CEP152: variants seen among roughly 807,000 people sequenced by gnomAD.
CEP152 encodes centrosomal protein 152, also known as centrosomal protein of 152 kDa.
A neutral mutation model predicts 188.9 loss-of-function variants in CEP152; 132 were observed. The observed-to-expected ratio is 0.70, with a 90% CI of 0.61 to 0.81. The LOEUF (loss-of-function observed/expected upper bound fraction) is 0.81. CEP152 is among the 30% of genes least tolerant of loss of function. CEP152 has a pLI of 0.00. For synonymous variants in CEP152, 649 were observed against 666.6 expected (o/e 0.97, Z 0.41); for missense variants, 1,914 against 1,969.8 (o/e 0.97, Z 0.54).
Position 48,767,192 on chromosome 15 carries a change from C to G in CEP152, c.2148G>C (p.Arg716Ser). 1 of 1,613,790 alleles carries G rather than the reference C, an allele frequency of 6.2e-7. No homozygotes were observed. Among genetic ancestry groups the G allele is most frequent in the Non-Finnish European group, 8.5e-7 (1 of 1,180,020 alleles). The stretch of plus-strand genomic sequence containing the variant: ...CCTTATTCAACTTATCCAACTCAGA[C>G]CTTGGATACACAAAACCAGCAACTA... ...EAYERTHLQL[R>S]SELDKLNKEV... Residue 716 changes from arginine (R) to serine (S), a missense_variant and splice_region_variant, in exon 17 of 27, where the codon AGG becomes AGC. Transcript: ENST00000380950.
At chr15:48,805,528 A>AGC (rs1897924325) in intron 2 of CEP152, 35 bp downstream of exon 2, 2 of 1,511,028 alleles carry the variant, frequency 1.3e-6, no homozygotes, top group African/African-American at 3.0e-5. Context: ...GATTGGGTTT[A>AGC]GTGTCTCTTT....
rs1487826395 is a variant in CEP152 at position 48,797,490 on chromosome 15, A to G, written c.351T>C (p.Pro117=). 3.7e-6 allele frequency: 6 copies of G among 1,614,152 alleles called. No homozygotes were observed. The highest frequency in any genetic ancestry group is 4.2e-6 in the Non-Finnish European group (5 of 1,179,994). The part of the protein sequence containing the change: ...ENRSKTEDRH[P]VYHPEEGGDE... ...CTCCACCTTCTTCAGGATGGTACAC[A>G]GGATGTCGGTCTTCAGTTTTACTTC... Residue 117 remains proline (P), a synonymous_variant, in exon 5 of 27, where the codon CCT becomes CCC. Coordinates refer to ENST00000380950, the MANE Select transcript of CEP152 (RefSeq NM_001194998.2).
rs752952646 is a variant in CEP152, at chr15:48,782,260, G to T, written c.1322-30C>A. ...AGAGGAAAGAACCATAGGATATACT[G>T]AAAAAATTAAGGGGACAAAGTGCTT... On this transcript the variant is annotated intron_variant, in intron 10 of 26. Transcript: ENST00000380950. 49 of 1,597,240 alleles carry T rather than the reference G, an allele frequency of 3.1e-5. 1 individual carries two copies. The Admixed American group carries it at 8.2e-4, about 27-fold the overall frequency.
chr15:48,809,609 C>A (rs962246903), intron 1 of CEP152, among the ~76,000 whole-genome samples: 2 of 152,168 alleles, frequency 1.3e-5, no homozygotes, highest in Admixed American at 6.5e-5. Context: ...TCTGGCTCTT[C>A]TATTTATCAG....
intron 6 of CEP152, among the ~76,000 whole-genome samples, chr15:48,794,245 C>A (rs1439281650): frequency 1.3e-5 from 2 of 151,834 alleles, no homozygotes; most frequent in Non-Finnish European, 2.9e-5. Context: ...CATTTGGGGA[C>A]CACTTTAAAA....
At chr15:48,748,754 A>G in intron 21 of CEP152, 144 bp from the exon 22 acceptor site, 1 of 912,450 alleles carries the variant, frequency 1.1e-6, no homozygotes, top group Non-Finnish European at 1.5e-6. Context: ...TGCTTAAGAT[A>G]GAGAGACATG....
At chr15:48,810,435 T>C (rs890484998) in intron 1 of CEP152, 1 of 152,286 alleles carries the variant, frequency 6.6e-6, no homozygotes, top group African/African-American at 2.4e-5. Context: ...TAACAGCACT[T>C]TGGACAAATT....
At chr15:48,753,165 GTCC>G (rs1190291339) in intron 20 of CEP152, among the ~76,000 whole-genome samples, 1 of 152,112 alleles carries the variant, frequency 6.6e-6, no homozygotes, top group East Asian at 1.9e-4. Context: ...TTGAGATGGA[GTCC>G]TCCTCTATCG....
At chr15:48,787,170 T>TTTTTTTTG (rs1458218190) in intron 9 of CEP152, among the ~76,000 whole-genome samples, 1 of 108,384 alleles carries the variant, frequency 9.2e-6, no homozygotes, top group Non-Finnish European at 2.2e-5. Flanking sequence ...TTCGTTTTTT[T>TTTTTTTTG]TTTTTTTTTT....
At chr15:48,729,856 G>A (rs946207524) in intron 2 of CEP152, 1 of 151,912 alleles carries the variant, frequency 6.6e-6, no homozygotes, top group African/African-American at 2.4e-5. Context: ...TACAGATTAT[G>A]AAGATTTTCA....
In CEP152 at chr15:48,791,380, C is replaced by T. The variant is rs58156069; in HGVS notation, c.833-4G>A. ...AGAGTCAAACCATCCTTTTCATCTA[C>T]GGTATTAAAAATGTTTATATAAATA... On this transcript the variant is annotated splice_region_variant and splice_polypyrimidine_tract_variant and intron_variant, in intron 7 of 26. Transcript: ENST00000380950. The T allele has an allele frequency of 0.44, 703,909 of 1,607,084 alleles. 157,597 individuals are homozygous for T. The highest frequency in any genetic ancestry group is 0.48 in the Middle Eastern group (2,885 of 6,042).
chr15:48,796,355 T>C (rs1258765651), intron 5 of CEP152, among the ~76,000 whole-genome samples, 195 bp from the exon 6 acceptor site: 1 of 151,934 alleles, frequency 6.6e-6, no homozygotes, highest in East Asian at 1.9e-4. Flanking sequence ...TAGCACGTAT[T>C]GTTATTTAAC....
At chr15:48,771,371 G>C (rs1895521419) in intron 13 of CEP152, among the ~76,000 whole-genome samples, 1 of 152,134 alleles carries the variant, frequency 6.6e-6, no homozygotes, top group Admixed American at 6.5e-5. Flanking sequence ...CTTTCCCATA[G>C]TACCACGACC....
chr15:48,765,714 C>A (rs751241641), intron 17 of CEP152: 1 of 346,522 alleles, frequency 2.9e-6, no homozygotes. Context: ...AGTGCAGTGG[C>A]GCAATCTCGA....
Position 48,767,551 on chromosome 15 carries a change from C to T in CEP152, c.2019-88G>A. 7.7e-6 allele frequency: 12 copies of T among 1,554,000 alleles called. No individual in the cohort carries two copies. The South Asian group carries it at 7.8e-5, about 10-fold the overall frequency. On this transcript the variant is annotated intron_variant, in intron 15 of 26. Coordinates refer to ENST00000380950, the MANE Select transcript of CEP152 (RefSeq NM_001194998.2). ...TTTCCTTCCTTCCTCCTCACCTCTT[C>T]CCTCTAATGCAAATTATAATTGAGG...
At chr15:48,768,420 T>A in intron 14 of CEP152, 92 bp from the exon 15 acceptor site, 1 of 727,448 alleles carries the variant, frequency 1.4e-6, no homozygotes, top group East Asian at 2.7e-5. Context: ...TTTCTATGCT[T>A]TCTCTCTCCC....
chr15:48,739,690 A>G (rs1037357273), intron 26 of CEP152, among the ~76,000 whole-genome samples: 1 of 152,100 alleles, frequency 6.6e-6, no homozygotes, highest in East Asian at 1.9e-4. Context: ...CACCCACCCA[A>G]TACCTACACA....
At chr15:48,789,764 TG>T (rs1385958784) in intron 8 of CEP152, among the ~76,000 whole-genome samples, 1 of 152,118 alleles carries the variant, frequency 6.6e-6, no homozygotes, top group Non-Finnish European at 1.5e-5. Flanking sequence ...GGAACACAGG[TG>T]GCCTCTAGAA....
chr15:48,805,456 C>T (rs936717549), intron 2 of CEP152, 107 bp downstream of exon 2: 1 of 1,374,868 alleles, frequency 7.3e-7, no homozygotes, highest in Non-Finnish European at 9.6e-7. Context: ...TTTAAAAAAT[C>T]CAAATCCCTT....
Sources: gnomAD v4.1 joint callset for allele counts (sites outside exome capture counted in the v4.1 genomes callset) on GRCh38, gnomAD v4.1.1 for gene constraint, MANE v1.5 for transcripts, NCBI Gene and HGNC (gene_info 2026-07-23, HGNC 2026-07-21) for gene names.